Variants in GARRE1 observed in about 807,000 individuals in gnomAD.
The protein encoded by GARRE1 is granule associated Rac and RHOG effector 1.
GARRE1 carries 49 observed loss-of-function variants against 103.2 expected under a neutral mutation model. The observed-to-expected ratio is 0.47, with a 90% CI of 0.38 to 0.60. GARRE1 has a LOEUF of 0.60. Ranked by LOEUF, GARRE1 falls within the 20% of genes least tolerant of loss-of-function variation. GARRE1 has a pLI of 0.00. For missense variants in GARRE1, 1,199 were observed against 1,370.5 expected (o/e 0.87, Z 1.98); for synonymous variants, 505 against 532.8 (o/e 0.95, Z 0.72).
chr19:34,319,542 T>C (rs2074075637), intron 2 of GARRE1, among the ~76,000 whole-genome samples: 1 of 152,216 alleles, frequency 6.6e-6, no homozygotes, highest in Non-Finnish European at 1.5e-5. Context: ...GAATACTGTA[T>C]GGACGTAATT....
At chr19:34,296,384 C>A in intron 1 of GARRE1, 1 of 1,461,766 alleles carries the variant, frequency 6.8e-7, no homozygotes, top group Non-Finnish European at 9.4e-7. Context: ...TGGCCTTTAG[C>A]CGGCACAGCC....
intron 6 of GARRE1, among the ~76,000 whole-genome samples, 164 bp from the exon 7 acceptor site, chr19:34,330,025 C>T (rs981523212): frequency 6.6e-6 from 1 of 152,104 alleles, no homozygotes; most frequent in Non-Finnish European, 1.5e-5. Context: ...GTCTAGGCTG[C>T]AGTGAGCCAT....
At chr19:34,341,303 C>A (rs1425568811) in intron 9 of GARRE1, 119 bp from the exon 10 acceptor site, 2 of 796,762 alleles carry the variant, frequency 2.5e-6, no homozygotes, top group African/African-American at 3.5e-5. Context: ...ATAAGTGAAC[C>A]CGATACCAAC....
chr19:34,280,332 T>C (rs970118645), intron 1 of GARRE1, among the ~76,000 whole-genome samples: 6 of 152,248 alleles, frequency 3.9e-5, no homozygotes, highest in Non-Finnish European at 7.3e-5. Flanking sequence ...TTAGTGATGT[T>C]GAGCATCTTT....
chr19:34,320,505 A>G (rs1419581691), intron 3 of GARRE1, among the ~76,000 whole-genome samples: 3 of 152,128 alleles, frequency 2.0e-5, no homozygotes, highest in African/African-American at 4.8e-5. Flanking sequence ...GACGGGGTGG[A>G]GCTGTCTGGG....
chr19:34,254,648 C>T (rs1375384640), intron 1 of GARRE1, 34 bp downstream of exon 1: 1 of 98,534 alleles, frequency 1.0e-5, no homozygotes, highest in African/African-American at 3.7e-5. Context: ...CAGGCGGGGG[C>T]TGGCGGGCGG....
At chr19:34,283,125 G>A (rs2073864975) in intron 1 of GARRE1, among the ~76,000 whole-genome samples, 1 of 152,164 alleles carries the variant, frequency 6.6e-6, no homozygotes, top group African/African-American at 2.4e-5. Context: ...TCTGACAGTA[G>A]GACTGCTTGC....
At chr19:34,296,344 C>T (rs1160320043) in intron 1 of GARRE1, 7 of 1,049,094 alleles carry the variant, frequency 6.7e-6, no homozygotes, top group African/African-American at 1.6e-5. Flanking sequence ...GCTGGAGCTG[C>T]AGTCTGGGCG....
At chr19:34,311,596 T>C (rs2074036952) in intron 2 of GARRE1, among the ~76,000 whole-genome samples, 1 of 152,108 alleles carries the variant, frequency 6.6e-6, no homozygotes. Context: ...TAGAAAAAAA[T>C]AAACATAATT....
intron 2 of GARRE1, among the ~76,000 whole-genome samples, chr19:34,304,237 T>G (rs978593071): frequency 2.7e-5 from 4 of 150,628 alleles, no homozygotes; most frequent in Admixed American, 2.0e-4. Context: ...ATTACAGGCA[T>G]GTGCCAACAC....
intron 1 of GARRE1, among the ~76,000 whole-genome samples, chr19:34,298,187 G>A (rs1413318304): frequency 6.6e-6 from 1 of 152,110 alleles, no homozygotes; most frequent in Non-Finnish European, 1.5e-5. Context: ...GGGCTGAGGC[G>A]GGAGGATCAC....
Position 34,333,781 on chromosome 19 carries a change from G to A in GARRE1, c.1341G>A (p.Val447=). ...TCAGTTTAGAAGGCTCTAGAATCGT[G>A]GTTCAAGTCCCATCCACATGGTAAC... ...PQISLEGSRI[V]VQVPSTWCLK... The change falls in exon 8 of 14, where the codon GTG becomes GTA. Residue 447 remains valine (V), a synonymous_variant. Coordinates refer to ENST00000299505, the MANE Select transcript of GARRE1 (RefSeq NM_014686.5). 3 of 1,603,726 alleles carry A rather than the reference G, an allele frequency of 1.9e-6. No individual in the cohort carries two copies. The highest frequency in any genetic ancestry group is 4.5e-5 in the East Asian group (2 of 44,656).
chr19:34,321,726 T>G (rs1599772293), intron 3 of GARRE1, among the ~76,000 whole-genome samples: 1 of 152,234 alleles, frequency 6.6e-6, no homozygotes, highest in Admixed American at 6.5e-5. Flanking sequence ...TCCACCCACC[T>G]TGGCCTCTGA....
intron 1 of GARRE1, among the ~76,000 whole-genome samples, chr19:34,278,907 G>A (rs1473036496): frequency 6.6e-6 from 1 of 152,032 alleles, no homozygotes; most frequent in Non-Finnish European, 1.5e-5. Flanking sequence ...GGCCTCAAGC[G>A]ATCTTCCTAC....
chr19:34,298,777 G>A (rs2145239237), intron 1 of GARRE1, among the ~76,000 whole-genome samples: 1 of 152,292 alleles, frequency 6.6e-6, no homozygotes, highest in East Asian at 1.9e-4. Context: ...TTGAACTTTT[G>A]TTTGGGAGAG....
At chr19:34,293,097 T>A (rs2073927055) in intron 1 of GARRE1, among the ~76,000 whole-genome samples, 1 of 152,216 alleles carries the variant, frequency 6.6e-6, no homozygotes, top group Non-Finnish European at 1.5e-5. Flanking sequence ...ACTGAAGTAA[T>A]CAGTTTTGAT....
chr19:34,325,192 T>C (rs1456080583), intron 3 of GARRE1, among the ~76,000 whole-genome samples: 3 of 152,130 alleles, frequency 2.0e-5, no homozygotes, highest in Non-Finnish European at 4.4e-5. Context: ...TCAACACAAT[T>C]TCTGAATGTG....
intron 2 of GARRE1, among the ~76,000 whole-genome samples, chr19:34,302,438 G>A (rs533835884): frequency 3.0e-4 from 45 of 150,052 alleles, no homozygotes; most frequent in African/African-American, 9.3e-4. Context: ...GATTACAGGC[G>A]CCCACCACCA....
Position 34,344,672 on chromosome 19 carries a change from C to T in GARRE1, c.2521+2217C>T, listed in dbSNP as rs546686448. 6.6e-5 allele frequency among the ~76,000 whole-genome samples: 10 copies of T among 151,958 alleles called. No individual in the cohort carries two copies. The South Asian group carries it at 1.9e-3, about 28-fold the overall frequency. On this transcript the variant is annotated intron_variant, in intron 10 of 13. Transcript: ENST00000299505. ...AGGGAAGTTAATGCTGGGGTTAACA[C>T]TCCTTTCTCTTTTTTTTTGAGACAG...
Sources: gnomAD v4.1 joint callset for allele counts (sites outside exome capture counted in the v4.1 genomes callset) on GRCh38, gnomAD v4.1.1 for gene constraint, MANE v1.5 for transcripts, NCBI Gene and HGNC (gene_info 2026-07-23, HGNC 2026-07-21) for gene names.